The following SLC25A18 variants were observed in gnomAD, a reference collection of about 807,000 sequenced individuals.
The protein encoded by SLC25A18 is mitochondrial glutamate carrier 2.
SLC25A18 carries 24 observed loss-of-function variants against 31.1 expected under a neutral mutation model. That is an observed-to-expected ratio of 0.77 (90% confidence interval 0.56 to 1.08). The LOEUF is 1.08. SLC25A18 is among the 50% of genes least tolerant of loss of function. SLC25A18 has a pLI of 0.00. For missense variants in SLC25A18, 371 were observed against 418.5 expected (o/e 0.89, Z 0.99); for synonymous variants, 173 against 161.9 (o/e 1.07, Z -0.52).
chr22:17,567,830 A>G (rs937786023), intron 1 of SLC25A18, among the ~76,000 whole-genome samples: 3 of 151,134 alleles, frequency 2.0e-5, no homozygotes, highest in African/African-American at 7.3e-5. Context: ...GGTGCCGTAA[A>G]GAAATAGCAC....
Position 17,569,994 on chromosome 22 carries a change from T to C in SLC25A18, c.-201+8T>C. The C allele has an allele frequency of 3.0e-6, 3 of 985,410 alleles. No homozygotes were observed. The South Asian group carries it at 1.4e-4, about 46-fold the overall frequency. The allele number at this position is 985,410 out of a possible 1,614,324, so 61.0% of individuals were successfully genotyped here. A position where few individuals can be genotyped will look rare whatever the true frequency, so the allele number is the denominator to read the frequency against. On this transcript the variant is annotated splice_region_variant and intron_variant, in intron 2 of 10. Transcript: ENST00000327451. The stretch of plus-strand genomic sequence containing the variant: ...GGTTCTTACCGAAAGCAGGTAAGTG[T>C]CTTGTCTGTCTGCATCAAGCTCAGA...
intron 3 of SLC25A18, chr22:17,580,560 A>G: frequency 8.1e-6 from 8 of 989,980 alleles, no homozygotes; most frequent in Non-Finnish European, 8.4e-6. Flanking sequence ...ATTCCCCCCC[A>G]GGCACGGTTT....
rs768633467 is a variant in SLC25A18 at position 17,581,429 on chromosome 22, C to G, written c.199+16C>G. 1 of 1,613,816 alleles carries G rather than the reference C, an allele frequency of 6.2e-7. No homozygotes were observed. The highest frequency in any genetic ancestry group is 8.5e-7 in the Non-Finnish European group (1 of 1,179,890). On this transcript the variant is annotated intron_variant, in intron 5 of 10. Coordinates refer to ENST00000327451, the MANE Select transcript of SLC25A18 (RefSeq NM_031481.3). ...ATGTACCGAGGTGGGCTTCTCAGGTCCCCTGGGAGGCTGGGCAGCAGGTGT... is the reference window on the plus strand; with the variant it reads ...ATGTACCGAGGTGGGCTTCTCAGGTGCCCTGGGAGGCTGGGCAGCAGGTGT...
At chr22:17,580,551 T>C in intron 3 of SLC25A18, 1 of 989,784 alleles carries the variant, frequency 1.0e-6, no homozygotes, top group Non-Finnish European at 1.2e-6. Flanking sequence ...ATAGCTGGCA[T>C]TCCCCCCCAG....
intron 5 of SLC25A18, chr22:17,581,660 G>C (rs2057378569): frequency 9.5e-6 from 5 of 528,424 alleles, no homozygotes; most frequent in Admixed American, 3.4e-5. Context: ...CTACCTGCCT[G>C]CCTCTCTCTG....
intron 9 of SLC25A18, 66 bp from the exon 10 acceptor site, chr22:17,589,524 T>TA (rs1336278203): frequency 7.0e-7 from 1 of 1,422,438 alleles, no homozygotes; most frequent in Non-Finnish European, 9.9e-7. Flanking sequence ...CCCAGCCCCT[T>TA]AGTGTTGAGG....
intron 9 of SLC25A18, chr22:17,588,835 C>A (rs2057629472): frequency 6.6e-6 from 1 of 151,690 alleles, no homozygotes; most frequent in South Asian, 2.1e-4. Context: ...CTTTGGGAGA[C>A]CGAGACAGGA....
At chr22:17,587,488 T>TAA (rs929441165) in intron 8 of SLC25A18, among the ~76,000 whole-genome samples, 187 bp downstream of exon 8, 20 of 152,154 alleles carry the variant, frequency 1.3e-4, no homozygotes, top group African/African-American at 4.6e-4. Flanking sequence ...CCTAGAAGAC[T>TAA]AAAGTTTTAG....
chr22:17,569,300 G>T (rs1014090053), intron 1 of SLC25A18, among the ~76,000 whole-genome samples: 3 of 152,198 alleles, frequency 2.0e-5, no homozygotes, highest in Admixed American at 2.0e-4. Context: ...GAGCCACCGC[G>T]CCCAGCCCTC....
At chr22:17,567,281 A>G (rs998223184) in intron 1 of SLC25A18, among the ~76,000 whole-genome samples, 1 of 126,870 alleles carries the variant, frequency 7.9e-6, no homozygotes, top group African/African-American at 3.2e-5. Flanking sequence ...GGCAACACAG[A>G]CAACTTAAGT....
chr22:17,589,654 C>T lies in SLC25A18; in HGVS notation c.795C>T (p.Thr265=), dbSNP rs556042476. Residue 265 remains threonine, a synonymous_variant, in exon 10 of 11, where the codon ACC becomes ACT. Coordinates refer to ENST00000327451, the MANE Select transcript of SLC25A18 (RefSeq NM_031481.3). ...GLGEDMYSGI[T]DCARKLWIQE... ...GCGAGGACATGTACAGTGGGATCAC[C>T]GACTGTGCCAGGTGAGAGCCAGTGT... 6.2e-6 allele frequency: 10 copies of T among 1,614,048 alleles called. No homozygotes were observed. Among genetic ancestry groups the T allele is most frequent in the South Asian group, 3.3e-5 (3 of 91,082 alleles).
rs60550410 is a variant in SLC25A18 at position 17,590,277 on chromosome 22, T to G, written c.*41T>G. 3,783 of 1,612,846 alleles carry G rather than the reference T, an allele frequency of 2.3e-3. 71 individuals are homozygous for G. The African/African-American group carries it at 0.04, about 17-fold the overall frequency. On this transcript the variant is annotated 3_prime_UTR_variant, in exon 11 of 11. Transcript: ENST00000327451. ...AAGTCCCTGCGCTTGCCGCCCTCTC[T>G]CTAGCTGTTTCACTTAGCCTAGAGG...
At chr22:17,567,031 G>C (rs929889830) in intron 1 of SLC25A18, among the ~76,000 whole-genome samples, 1 of 152,206 alleles carries the variant, frequency 6.6e-6, no homozygotes, top group Non-Finnish European at 1.5e-5. Context: ...AGGCATAGTG[G>C]CATGCCTGTA....
chr22:17,570,519 C>G (rs560918330), intron 2 of SLC25A18: 1 of 152,450 alleles, frequency 6.6e-6, no homozygotes, highest in Admixed American at 6.5e-5. Context: ...CAGTTTTACT[C>G]TGTCGCCCAG....
chr22:17,581,190 G>A (rs1416160969), intron 4 of SLC25A18, 31 bp downstream of exon 4: 14 of 1,575,366 alleles, frequency 8.9e-6, no homozygotes, highest in Non-Finnish European at 1.2e-5. Context: ...GTGGAGGGCA[G>A]AGGCGCCCGG....
intron 9 of SLC25A18, chr22:17,588,316 T>A: frequency 2.1e-6 from 1 of 471,920 alleles, no homozygotes; most frequent in South Asian, 2.7e-5. Flanking sequence ...CTCAGAAGAG[T>A]TGTGAGCCCC....
chr22:17,573,409 G>A (rs1175050871), intron 2 of SLC25A18, among the ~76,000 whole-genome samples: 1 of 152,066 alleles, frequency 6.6e-6, no homozygotes, highest in Non-Finnish European at 1.5e-5. Flanking sequence ...CTCTACACCA[G>A]AACCATCCTT....
At chr22:17,568,421 A>C (rs1227948103) in intron 1 of SLC25A18, among the ~76,000 whole-genome samples, 2 of 151,868 alleles carry the variant, frequency 1.3e-5, no homozygotes, top group Non-Finnish European at 1.5e-5. Flanking sequence ...AACTTGTGGA[A>C]TATCGAGAAA....
At chr22:17,589,358 A>G (rs1330900357) in intron 9 of SLC25A18, among the ~76,000 whole-genome samples, 1 of 151,760 alleles carries the variant, frequency 6.6e-6, no homozygotes, top group Admixed American at 6.6e-5. Context: ...TTGTATTTTT[A>G]GTAGAGATGG....
Sources: gnomAD v4.1 joint callset for allele counts (sites outside exome capture counted in the v4.1 genomes callset) on GRCh38, gnomAD v4.1.1 for gene constraint, MANE v1.5 for transcripts, NCBI Gene and HGNC (gene_info 2026-07-23, HGNC 2026-07-21) for gene names.